SH2B1: variants seen among roughly 807,000 people sequenced by gnomAD.
SH2B1 encodes SH2B adapter protein 1.
Under a neutral mutation model 62.6 loss-of-function variants are expected in SH2B1, and 15 were observed. That is an observed-to-expected ratio of 0.24 (90% CI 0.16 to 0.37). The LOEUF (loss-of-function observed/expected upper bound fraction) is 0.37. Ranked by LOEUF, SH2B1 falls within the 10% of genes least tolerant of loss-of-function variation. The pLI is 1.00. For synonymous variants in SH2B1, 443 were observed against 438.0 expected (o/e 1.01, Z -0.14); for missense variants, 925 against 1,015.6 (o/e 0.91, Z 1.21).
At chr16:28,862,982 G>C (rs568766044), upstream of SH2B1, 1 of 150,316 alleles carries the variant, frequency 6.7e-6, no homozygotes, top group African/African-American at 2.5e-5. Context: ...CTGGGCTGGA[G>C]TGCCGTGGCG....
chr16:28,867,040 C>T lies in SH2B1; in HGVS notation c.939+7C>T, dbSNP rs753518196. The stretch of plus-strand genomic sequence containing the variant: ...GTTCTTTGTACCACCCAAGGTGAGG[C>T]CCCTTGGAGGGTGGGTGACTGAGAG... On this transcript the variant is annotated splice_region_variant and intron_variant, in intron 1 of 7. Coordinates refer to ENST00000684370, the MANE Select transcript of SH2B1 (RefSeq NM_001387430.1). 6.3e-7 allele frequency: 1 copy of T among 1,598,692 alleles called. No individual in the cohort carries two copies.
At chr16:28,863,641 C>T, upstream of SH2B1, 3 of 1,523,000 alleles carry the variant, frequency 2.0e-6, no homozygotes, top group Non-Finnish European at 2.6e-6. Flanking sequence ...CAAGCACTTC[C>T]CCCGCTGCGT....
chr16:28,846,642 C>T, upstream of SH2B1: 2 of 291,794 alleles, frequency 6.9e-6, no homozygotes, highest in South Asian at 4.4e-5. Flanking sequence ...TGGAGGTGAT[C>T]AGAGTGGGAG....
In SH2B1 at chr16:28,863,985, T is replaced by C; in HGVS notation, c.-2110T>C. The C allele has an allele frequency of 1.1e-5, 15 of 1,358,416 alleles. No individual in the cohort carries two copies. The highest frequency in any genetic ancestry group is 2.8e-4 in the Middle Eastern group (1 of 3,518). 84.1% of individuals were successfully genotyped at this position (1,358,416 alleles called of 1,614,324 possible). A position where few individuals can be genotyped will look rare whatever the true frequency, so the allele number is the denominator to read the frequency against. ...GGAACCCCCCTCTTCAAGTACCTTT[T>C]CCCTCTCCGCGACCCGGCCCTGGCG... On this transcript the variant is annotated 5_prime_UTR_variant, in exon 1 of 8. Coordinates refer to ENST00000684370, the MANE Select transcript of SH2B1 (RefSeq NM_001387430.1).
chr16:28,853,244 T>C (rs1408185800), intron 1 of SH2B1, among the ~76,000 whole-genome samples: 1 of 144,598 alleles, frequency 6.9e-6, no homozygotes, highest in Non-Finnish European at 1.5e-5. Flanking sequence ...TATATATATA[T>C]GCACACACAC....
chr16:28,867,116 G>C (rs535035695), intron 1 of SH2B1, 83 bp downstream of exon 1: 3 of 1,567,664 alleles, frequency 1.9e-6, no homozygotes, highest in East Asian at 4.5e-5. Context: ...AAGCTCTGGG[G>C]TTTACCAGCC....
chr16:28,868,084 C>G (rs771487328), intron 2 of SH2B1, among the ~76,000 whole-genome samples: 7 of 152,198 alleles, frequency 4.6e-5, no homozygotes, highest in Admixed American at 1.3e-4. Flanking sequence ...ACTTGGCCTC[C>G]CAAAGTGTTG....
upstream of SH2B1, chr16:28,863,721 C>T: frequency 6.5e-7 from 1 of 1,535,594 alleles, no homozygotes; most frequent in Non-Finnish European, 8.7e-7. Flanking sequence ...TCTTCGGTCT[C>T]CTGGGGTCGG....
In SH2B1 at chr16:28,873,358, A is replaced by G. The variant is rs1383958720; in HGVS notation, c.1898-89A>G. On this transcript the variant is annotated intron_variant, in intron 7 of 7. Coordinates refer to ENST00000684370, the MANE Select transcript of SH2B1 (RefSeq NM_001387430.1). This position sits in a 1 kb window ranked among gnomAD's most constrained non-coding sequence, Gnocchi z 4.2. ...GGAGATGGGATGTGGGGAGACAGCCACGCTCCTGGGGGGCTGAGTGAAGGG... is the reference window on the plus strand; with the variant it reads ...GGAGATGGGATGTGGGGAGACAGCCGCGCTCCTGGGGGGCTGAGTGAAGGG... 5 of 1,585,632 alleles carry G rather than the reference A, an allele frequency of 3.2e-6. No homozygotes were observed. The highest frequency in any genetic ancestry group is 4.3e-6 in the Non-Finnish European group (5 of 1,169,220).
chr16:28,852,410 ATATATT>A (rs1453096701), intron 1 of SH2B1, among the ~76,000 whole-genome samples: 2 of 27,238 alleles, frequency 7.3e-5, no homozygotes, highest in African/African-American at 1.9e-4. Context: ...ATATTTACAT[ATATATT>A]TATATATTTA....
upstream of SH2B1, among the ~76,000 whole-genome samples, chr16:28,860,013 G>C (rs1254701968): frequency 6.6e-6 from 1 of 151,814 alleles, no homozygotes; most frequent in Non-Finnish European, 1.5e-5. Flanking sequence ...GGCTTAACCT[G>C]GGCCCTGGAT....
upstream of SH2B1, among the ~76,000 whole-genome samples, chr16:28,860,231 T>C (rs980166153): frequency 2.0e-5 from 3 of 151,944 alleles, no homozygotes; most frequent in Non-Finnish European, 2.9e-5. Flanking sequence ...TCTCCACATT[T>C]TTCCTCCCAC....
chr16:28,852,646 TTA>T lies in SH2B1; in HGVS notation c.-301+5828_-301+5829del, dbSNP rs1227527442. 8.2e-5 allele frequency among the ~76,000 whole-genome samples: 6 copies of T among 73,608 alleles called. 1 individual carries two copies. Among genetic ancestry groups the T allele is most frequent in the Non-Finnish European group, 1.0e-4 (5 of 48,390 alleles). The allele number at this position is 73,608 out of a possible 152,430, so 48.3% of individuals were successfully genotyped here. On this transcript the variant is annotated intron_variant, in intron 1 of 10. Transcript: ENST00000322610. ...TATTTATATATATACACATATATAT[TTA>T]TATATATACACATATATATTTATAT...
At position 28,873,835 on chromosome 16, in the gene SH2B1, C is replaced by T; in HGVS notation, c.*15C>T. 7.0e-7 allele frequency: 1 copy of T among 1,420,790 alleles called. No individual in the cohort carries two copies. Among genetic ancestry groups the T allele is most frequent in the Non-Finnish European group, 9.2e-7 (1 of 1,089,712 alleles). 88.0% of individuals were successfully genotyped at this position (1,420,790 alleles called of 1,614,324 possible). A position where few individuals can be genotyped will look rare whatever the true frequency, so the allele number is the denominator to read the frequency against. On this transcript the variant is annotated 3_prime_UTR_variant, in exon 8 of 8. Transcript: ENST00000684370. The surrounding 1 kb of genome is among the most constrained non-coding windows in gnomAD (Gnocchi z 4.2). Reference sequence around the variant, plus strand: ...CCTTCGTGTGAGCCAACCCCACCCGCTCCACCCTTTTTAAACCCCCCAGCC... The same window carrying T: ...CCTTCGTGTGAGCCAACCCCACCCGTTCCACCCTTTTTAAACCCCCCAGCC...
chr16:28,867,795 A>T (rs1962805294), intron 2 of SH2B1, among the ~76,000 whole-genome samples: 1 of 152,144 alleles, frequency 6.6e-6, no homozygotes, highest in African/African-American at 2.4e-5. Flanking sequence ...AGGAGCTGGG[A>T]CTACAGGCAT....
chr16:28,873,359 C>G lies in SH2B1; in HGVS notation c.1898-88C>G. The G allele has an allele frequency of 6.3e-7, 1 of 1,586,976 alleles. No homozygotes were observed. The highest frequency in any genetic ancestry group is 1.8e-5 in the Admixed American group (1 of 56,330). The stretch of plus-strand genomic sequence containing the variant: ...GAGATGGGATGTGGGGAGACAGCCA[C>G]GCTCCTGGGGGGCTGAGTGAAGGGG... On this transcript the variant is annotated intron_variant, in intron 7 of 7. Coordinates refer to ENST00000684370, the MANE Select transcript of SH2B1 (RefSeq NM_001387430.1). The surrounding 1 kb of genome is among the most constrained non-coding windows in gnomAD (Gnocchi z 4.2).
Position 28,864,468 on chromosome 16 carries a change from T to C in SH2B1, c.-1627T>C. 1.0e-6 allele frequency: 1 copy of C among 985,850 alleles called. No individual in the cohort carries two copies. Among genetic ancestry groups the C allele is most frequent in the Non-Finnish European group, 1.2e-6 (1 of 830,166 alleles). The allele number at this position is 985,850 out of a possible 1,614,324, so 61.1% of individuals were successfully genotyped here. ...GCTGGGTTCCCCCGTGCTCCATGAC[T>C]CCTGCATCTCCTGATTGTTTCTCGT... is the stretch of plus-strand genomic sequence containing the variant. On this transcript the variant is annotated 5_prime_UTR_variant, in exon 1 of 8. Coordinates refer to ENST00000684370, the MANE Select transcript of SH2B1 (RefSeq NM_001387430.1).
At position 28,864,136 on chromosome 16, in the gene SH2B1, GGGGGTGTCC is replaced by G; in HGVS notation, c.-1958_-1950del. 8.4e-7 allele frequency: 1 copy of G among 1,194,960 alleles called. No homozygotes were observed. Among genetic ancestry groups the G allele is most frequent in the South Asian group, 1.9e-5 (1 of 52,646 alleles). 74.0% of individuals were successfully genotyped at this position (1,194,960 alleles called of 1,614,324 possible). A position where few individuals can be genotyped will look rare whatever the true frequency, so the allele number is the denominator to read the frequency against. On this transcript the variant is annotated 5_prime_UTR_variant, in exon 1 of 8. Transcript: ENST00000684370. ...TGCGGCCCCGGAAAATGGGCGGCTG[GGGGGTGTCC>G]AGGGAGTAGGGTCGGATCGGAGTAT...
rs576352439 is a variant in SH2B1 at position 28,865,223 on chromosome 16, C to T, written c.-872C>T. On this transcript the variant is annotated 5_prime_UTR_variant, in exon 1 of 8. Coordinates refer to ENST00000684370, the MANE Select transcript of SH2B1 (RefSeq NM_001387430.1). ...AGCCAACCCAGTTTCTCCTCTGGGG[C>T]CCCTGCGGCCTCTGGCCCCAGACTG... is the stretch of plus-strand genomic sequence containing the variant. The T allele has an allele frequency of 2.2e-5, 22 of 985,604 alleles. No homozygotes were observed. The highest frequency in any genetic ancestry group is 4.7e-5 in the South Asian group (1 of 21,292). The allele number at this position is 985,604 out of a possible 1,614,324, so 61.1% of individuals were successfully genotyped here.
Sources: allele counts gnomAD v4.1 joint callset (sites outside exome capture counted in the v4.1 genomes callset), GRCh38; gene constraint gnomAD v4.1.1; non-coding constraint Gnocchi (gnomAD v3.1); transcripts MANE v1.5; gene names NCBI Gene and HGNC (gene_info 2026-07-23, HGNC 2026-07-21).